BCAS3: variants seen among roughly 807,000 people sequenced by gnomAD.
BCAS3 encodes the protein BCAS3 microtubule associated cell migration factor, also known as BCAS4/BCAS3 fusion.
BCAS3 carries 53 observed loss-of-function variants against 116.1 expected under a neutral mutation model. The observed-to-expected ratio is 0.46, with a 90% CI of 0.37 to 0.57. The LOEUF (loss-of-function observed/expected upper bound fraction) is 0.57, where lower values mean the gene tolerates loss of function less well. Ranked by LOEUF, BCAS3 falls within the 20% of genes least tolerant of loss-of-function variation. The pLI is 0.00. For missense variants in BCAS3, 917 were observed against 1,165.4 expected, an observed-to-expected ratio of 0.79 and a Z score of 3.10; for synonymous variants, 391 against 408.2, an observed-to-expected ratio of 0.96 and a Z score of 0.51.
intron 19 of BCAS3, among the ~76,000 whole-genome samples, chr17:61,062,853 A>G (rs2070208187): frequency 6.6e-6 from 1 of 152,140 alleles, no homozygotes; most frequent in Non-Finnish European, 1.5e-5. Flanking sequence ...TTAGAAGCAA[A>G]AAGAAGTCTG....
intron 19 of BCAS3, among the ~76,000 whole-genome samples, chr17:61,061,537 T>C (rs1464830347): frequency 6.6e-6 from 1 of 152,196 alleles, no homozygotes; most frequent in African/African-American, 2.4e-5. Flanking sequence ...TGCCTACATG[T>C]ACAGATGGGT....
chr17:60,904,436 C>A (rs944916698), intron 11 of BCAS3, among the ~76,000 whole-genome samples: 2 of 151,460 alleles, frequency 1.3e-5, no homozygotes, highest in East Asian at 3.9e-4. Flanking sequence ...AACAAAACAA[C>A]AAAAAAAATG....
chr17:60,963,678 C>T (rs1332164421), intron 14 of BCAS3, among the ~76,000 whole-genome samples: 1 of 151,898 alleles, frequency 6.6e-6, no homozygotes, highest in Non-Finnish European at 1.5e-5. Flanking sequence ...GCCTCAGCCT[C>T]CCGAGTAGCT....
intron 5 of BCAS3, among the ~76,000 whole-genome samples, chr17:60,710,303 A>G (rs1283715831): frequency 6.6e-6 from 1 of 152,184 alleles, no homozygotes; most frequent in Non-Finnish European, 1.5e-5. Flanking sequence ...TGCTCCTTGA[A>G]TGATGTATAA....
chr17:61,319,313 T>G (rs1047683250), intron 22 of BCAS3, among the ~76,000 whole-genome samples: 2 of 152,302 alleles, frequency 1.3e-5, no homozygotes, highest in East Asian at 1.9e-4. Context: ...GGGCATAATC[T>G]TGGTGATATG....
intron 7 of BCAS3, among the ~76,000 whole-genome samples, chr17:60,856,803 A>C (rs1027027754): frequency 6.6e-6 from 1 of 152,100 alleles, no homozygotes; most frequent in African/African-American, 2.4e-5. Context: ...TCTGGTTTAA[A>C]TATTTTGTTT....
At chr17:61,260,973 T>C (rs1351118402) in intron 22 of BCAS3, among the ~76,000 whole-genome samples, 1 of 152,236 alleles carries the variant, frequency 6.6e-6, no homozygotes, top group South Asian at 2.1e-4. Flanking sequence ...TATTTTATTA[T>C]ATGCATTATA....
At chr17:61,234,790 A>G (rs1055313371) in intron 22 of BCAS3, among the ~76,000 whole-genome samples, 3 of 151,972 alleles carry the variant, frequency 2.0e-5, no homozygotes, top group Non-Finnish European at 2.9e-5. Flanking sequence ...CCAGAAAAAA[A>G]AAAAAAAAAA....
chr17:61,118,251 C>T lies in BCAS3; in HGVS notation c.2425+33687C>T, dbSNP rs867067460. ...TACCACACTACTGTTACCACCCAAT[C>T]AGGTTACTACTTGGGAGAGATGGAA... On this transcript the variant is annotated intron_variant, in intron 22 of 23. Coordinates refer to ENST00000407086, the MANE Select transcript of BCAS3 (RefSeq NM_017679.5). The surrounding 1 kb of genome is among the most constrained non-coding windows in gnomAD (Gnocchi z 5.0). Among the ~76,000 whole-genome samples the T allele has an allele frequency of 1.9e-4, 29 of 152,322 alleles. No individual in the cohort carries two copies. Among genetic ancestry groups the T allele is most frequent in the Middle Eastern group, 6.8e-3 (2 of 294 alleles).
At chr17:60,790,702 A>G (rs1323195218) in intron 6 of BCAS3, among the ~76,000 whole-genome samples, 1 of 151,176 alleles carries the variant, frequency 6.6e-6, no homozygotes, top group Admixed American at 6.6e-5. Flanking sequence ...TATTTAAATA[A>G]CTATAGTTTT....
At chr17:60,971,730 C>G (rs1454093069) in intron 14 of BCAS3, among the ~76,000 whole-genome samples, 1 of 152,202 alleles carries the variant, frequency 6.6e-6, no homozygotes, top group Non-Finnish European at 1.5e-5. Flanking sequence ...AGGTTCTGCT[C>G]AACCAGACTG....
At chr17:61,182,739 T>C (rs1039818168) in intron 22 of BCAS3, among the ~76,000 whole-genome samples, 3 of 152,240 alleles carry the variant, frequency 2.0e-5, no homozygotes, top group Admixed American at 2.0e-4. Flanking sequence ...GGACATGTCA[T>C]GTAAATGGAA....
At chr17:60,875,668 TA>T (rs1473979934) in intron 9 of BCAS3, among the ~76,000 whole-genome samples, 1 of 152,042 alleles carries the variant, frequency 6.6e-6, no homozygotes, top group Non-Finnish European at 1.5e-5. Context: ...AAATGTATCT[TA>T]AATATACAAA....
At chr17:61,283,879 T>C (rs2051472877) in intron 22 of BCAS3, among the ~76,000 whole-genome samples, 1 of 152,230 alleles carries the variant, frequency 6.6e-6, no homozygotes, top group Non-Finnish European at 1.5e-5. Flanking sequence ...TCCTCCTGCC[T>C]CAGCCCCCCA....
Position 61,379,389 on chromosome 17 carries a change from C to A in BCAS3, c.2593+10895C>A, listed in dbSNP as rs1309513166. On this transcript the variant is annotated intron_variant, in intron 23 of 23. Coordinates refer to ENST00000407086, the MANE Select transcript of BCAS3 (RefSeq NM_017679.5). The surrounding 1 kb of genome is among the most constrained non-coding windows in gnomAD (Gnocchi z 5.5). Reference sequence around the variant, plus strand: ...GCTGAGAGAGGGAGACACACTTGCTCACAGAAAATGAAAGTTGGCAATGAC... The same window carrying A: ...GCTGAGAGAGGGAGACACACTTGCTAACAGAAAATGAAAGTTGGCAATGAC... 2 of 152,104 alleles carry A rather than the reference C, an allele frequency of 1.3e-5. No homozygotes were observed. Among genetic ancestry groups the A allele is most frequent in the Non-Finnish European group, 2.9e-5 (2 of 68,040 alleles). 9.4% of individuals were successfully genotyped at this position (152,104 alleles called of 1,614,324 possible). A position where few individuals can be genotyped will look rare whatever the true frequency, so the allele number is the denominator to read the frequency against.
rs538547429 is a variant in BCAS3, at chr17:61,032,825, G to A, written c.1638-1841G>A. Reference sequence around the variant, plus strand: ...GTGACTGGTTGACATTTTAGGCATGGATGTTTTTTGTTGCAGGAATAATGA... The same window carrying A: ...GTGACTGGTTGACATTTTAGGCATGAATGTTTTTTGTTGCAGGAATAATGA... On this transcript the variant is annotated intron_variant, in intron 16 of 23. Transcript: ENST00000407086. This position sits in a 1 kb window ranked among gnomAD's most constrained non-coding sequence, Gnocchi z 4.6. 6.6e-6 allele frequency among the ~76,000 whole-genome samples: 1 copy of A among 152,294 alleles called. No homozygotes were observed. The highest frequency in any genetic ancestry group is 2.1e-4 in the South Asian group (1 of 4,822).
chr17:61,149,882 G>C (rs761762061), intron 22 of BCAS3, among the ~76,000 whole-genome samples: 4 of 152,316 alleles, frequency 2.6e-5, no homozygotes, highest in Middle Eastern at 3.4e-3. Flanking sequence ...GTAGCTCAGA[G>C]AGGTTAAACT....
chr17:61,294,096 T>G (rs1414794055), intron 22 of BCAS3, among the ~76,000 whole-genome samples: 1 of 152,210 alleles, frequency 6.6e-6, no homozygotes, highest in Non-Finnish European at 1.5e-5. Context: ...TCTAGTTAAA[T>G]AGTTAAGCAA....
At chr17:60,739,217 CAT>C (rs988051302) in intron 5 of BCAS3, among the ~76,000 whole-genome samples, 4 of 152,164 alleles carry the variant, frequency 2.6e-5, no homozygotes, top group African/African-American at 9.6e-5. Context: ...TGCATAAGTG[CAT>C]ATATATACAC....
Sources: gnomAD v4.1 joint callset for allele counts (sites outside exome capture counted in the v4.1 genomes callset) on GRCh38, gnomAD v4.1.1 for gene constraint, Gnocchi (gnomAD v3.1) non-coding constraint, MANE v1.5 for transcripts, NCBI Gene and HGNC (gene_info 2026-07-23, HGNC 2026-07-21) for gene names.